NXPE2: variants seen among roughly 807,000 people sequenced by gnomAD.
NXPE2 encodes NXPE family member 2.
A neutral mutation model predicts 34.4 loss-of-function variants in NXPE2; 34 were observed. The ratio of observed to expected loss-of-function variants is 0.99; its 90% CI spans 0.75 to 1.31. NXPE2 has a LOEUF of 1.31. Among genes scored for constraint, NXPE2 ranks in the 40% most tolerant of loss-of-function variants. NXPE2 has a pLI of 0.00. For missense variants in NXPE2, 649 were observed against 672.5 expected (o/e 0.97, Z 0.39); for synonymous variants, 235 against 231.3 (o/e 1.02, Z -0.15).
the NXPE2 span, among the ~76,000 whole-genome samples, chr11:114,769,385 T>C: frequency 1.3e-5 from 2 of 152,206 alleles, no homozygotes; most frequent in Non-Finnish European, 2.9e-5. Context: ...AGTTCAACCA[T>C]TGTGGAAGAC....
At position 114,706,818 on chromosome 11, in the gene NXPE2, T is replaced by A. The variant is rs528424497; in HGVS notation, c.1568T>A (p.Val523Glu). Residue 523 changes from valine to glutamate, a missense_variant, in exon 6 of 6, where the codon GTG becomes GAG. Val to Glu is a moderately radical substitution (Grantham distance 121). Transcript: ENST00000389586. ...IIRDIFVDLN[V>E]GIIDAWDMTI... ...AGAGATATTTTTGTGGATCTTAATG[T>A]GGGTATTATTGATGCCTGGGACATG... 6.4e-7 allele frequency: 1 copy of A among 1,552,166 alleles called. No individual in the cohort carries two copies. Among genetic ancestry groups the A allele is most frequent in the Admixed American group, 2.0e-5 (1 of 51,020 alleles).
chr11:114,807,416 G>C, the NXPE2 span, among the ~76,000 whole-genome samples: 2 of 152,118 alleles, frequency 1.3e-5, no homozygotes, highest in Non-Finnish European at 1.5e-5. Flanking sequence ...AAAGAGTCAA[G>C]ACCCATCAGT....
At chr11:114,554,071 C>G in the NXPE2 span, 2 of 985,434 alleles carry the variant, frequency 2.0e-6, no homozygotes, top group African/African-American at 3.5e-5. Context: ...TATCCCAAAT[C>G]AGAAACTTGG....
At chr11:114,509,433 A>AG in the NXPE2 span, among the ~76,000 whole-genome samples, 1 of 152,210 alleles carries the variant, frequency 6.6e-6, no homozygotes, top group Non-Finnish European at 1.5e-5. Flanking sequence ...GTATACCCAA[A>AG]GGAATATAAA....
chr11:114,474,858 G>C, the NXPE2 span, among the ~76,000 whole-genome samples: 2 of 152,116 alleles, frequency 1.3e-5, no homozygotes, highest in African/African-American at 4.8e-5. Flanking sequence ...GACCATGCAA[G>C]CGAAAACTAT....
the NXPE2 span, among the ~76,000 whole-genome samples, chr11:114,775,680 C>CAGATAAA: frequency 5.9e-5 from 9 of 152,192 alleles, 2 homozygotes; most frequent in Admixed American, 5.2e-4. Flanking sequence ...TGGGGGTTTT[C>CAGATAAA]CCCTCTTTAA....
At chr11:114,583,048 G>A in the NXPE2 span, 6 of 1,581,704 alleles carry the variant, frequency 3.8e-6, no homozygotes, top group African/African-American at 5.4e-5. Context: ...TGTGACATGA[G>A]ATGGATAAAT....
chr11:114,515,137 T>C, the NXPE2 span, among the ~76,000 whole-genome samples: 1 of 152,158 alleles, frequency 6.6e-6, no homozygotes, highest in Non-Finnish European at 1.5e-5. Context: ...TTGTCATTAT[T>C]CTGTTTCTAA....
intron 2 of NXPE2, among the ~76,000 whole-genome samples, chr11:114,688,414 C>G (rs1951086031): frequency 6.6e-6 from 1 of 152,068 alleles, no homozygotes; most frequent in African/African-American, 2.4e-5. Flanking sequence ...GTTAAACCAT[C>G]CTTGCATCCC....
chr11:114,742,951 C>T, the NXPE2 span, among the ~76,000 whole-genome samples: 1 of 151,912 alleles, frequency 6.6e-6, no homozygotes, highest in African/African-American at 2.4e-5. Flanking sequence ...TTATTTGGGG[C>T]TGTTAAGACT....
the NXPE2 span, among the ~76,000 whole-genome samples, chr11:114,725,636 C>T: frequency 2.0e-5 from 3 of 151,976 alleles, no homozygotes; most frequent in African/African-American, 7.2e-5. Flanking sequence ...TCTCACTCCC[C>T]ACCCTCTGGT....
the NXPE2 span, among the ~76,000 whole-genome samples, chr11:114,629,922 T>C: frequency 6.6e-6 from 1 of 150,404 alleles, no homozygotes; most frequent in African/African-American, 2.5e-5. Context: ...CCATTCACAA[T>C]TGCTTCAAAG....
At chr11:114,469,743 A>C in the NXPE2 span, among the ~76,000 whole-genome samples, 1 of 151,896 alleles carries the variant, frequency 6.6e-6, no homozygotes, top group Non-Finnish European at 1.5e-5. Context: ...CGCCCACCTC[A>C]ATATATGTCT....
At chr11:114,776,187 G>C in the NXPE2 span, among the ~76,000 whole-genome samples, 2 of 152,226 alleles carry the variant, frequency 1.3e-5, no homozygotes, top group Non-Finnish European at 2.9e-5. Context: ...AGGGATTATG[G>C]GGAGTGCTGC....
At chr11:114,539,798 C>T in the NXPE2 span, among the ~76,000 whole-genome samples, 1 of 151,648 alleles carries the variant, frequency 6.6e-6, no homozygotes. Flanking sequence ...AAGTAGATAC[C>T]TTAGAAGCAG....
At position 114,698,753 on chromosome 11, in the gene NXPE2, A is replaced by C. The variant is rs1951311509; in HGVS notation, c.841A>C (p.Lys281Gln). ...GACAAGAAATATTTCCTATCTTAGC[A>C]AGGAAGAATGGAGGCTTTTCCACAG... ...TRTRNISYLSKEEWRLFHRSN... is the reference protein window; with the variant it reads ...TRTRNISYLSQEEWRLFHRSN... Residue 281 changes from lysine (K) to glutamine (Q), a missense_variant, in exon 3 of 6, where the codon AAG (lysine) becomes CAG (glutamine). Lys to Gln is a moderately conservative substitution (Grantham distance 53, BLOSUM62 1). Coordinates refer to ENST00000389586, the MANE Select transcript of NXPE2 (RefSeq NM_182495.6). The C allele has an allele frequency of 3.2e-6, 5 of 1,583,930 alleles. No homozygotes were observed. The highest frequency in any genetic ancestry group is 4.3e-6 in the Non-Finnish European group (5 of 1,164,998).
the NXPE2 span, among the ~76,000 whole-genome samples, chr11:114,725,976 A>AAAATATATATATATATATAT: frequency 7.9e-5 from 8 of 101,764 alleles, no homozygotes; most frequent in South Asian, 3.2e-4. Flanking sequence ...ATAAAAAAAA[A>AAAATATATATATATATATAT]ATATATATAT....
chr11:114,620,287 A>T, the NXPE2 span, among the ~76,000 whole-genome samples: 1 of 152,078 alleles, frequency 6.6e-6, no homozygotes, highest in Non-Finnish European at 1.5e-5. Flanking sequence ...GTGGATAATA[A>T]GTAATGCCTC....
the NXPE2 span, among the ~76,000 whole-genome samples, chr11:114,538,685 G>A: frequency 6.6e-6 from 1 of 152,152 alleles, no homozygotes; most frequent in African/African-American, 2.4e-5. Flanking sequence ...GTGAAAAAAT[G>A]CTCATCATCA....
Sources: allele counts gnomAD v4.1 joint callset (sites outside exome capture counted in the v4.1 genomes callset), GRCh38; gene constraint gnomAD v4.1.1; transcripts MANE v1.5; gene names NCBI Gene and HGNC (gene_info 2026-07-23, HGNC 2026-07-21).